The following STOX2 variants were observed in gnomAD, a reference collection of about 807,000 sequenced individuals.
The protein encoded by STOX2 is storkhead box 2.
A neutral mutation model predicts 60.9 loss-of-function variants in STOX2; 28 were observed. The observed-to-expected ratio is 0.46, with a 90% CI of 0.34 to 0.63. STOX2 has a LOEUF of 0.63. Among genes scored for constraint, STOX2 ranks in the 30% least tolerant of loss-of-function variants. The pLI, the probability that STOX2 is intolerant of heterozygous loss-of-function variation, is 0.01. For synonymous variants in STOX2, 472 were observed against 463.9 expected (o/e 1.02, Z -0.22); for missense variants, 1,024 against 1,187.7 (o/e 0.86, Z 2.03).
At chr4:183,901,607 T>C (rs1371706176), upstream of STOX2, among the ~76,000 whole-genome samples, 2 of 151,960 alleles carry the variant, frequency 1.3e-5, no homozygotes, top group African/African-American at 4.8e-5. Flanking sequence ...ATTTTTTTTT[T>C]TTTTTTGATA....
In STOX2 at chr4:184,023,483, T is replaced by C. The variant is rs1300194985; in HGVS notation, c.*6199T>C. The C allele has an allele frequency of 6.6e-6, 1 of 152,228 alleles. No individual in the cohort carries two copies. The highest frequency in any genetic ancestry group is 1.5e-5 in the Non-Finnish European group (1 of 68,038). 9.4% of individuals were successfully genotyped at this position (152,228 alleles called of 1,614,324 possible). A position where few individuals can be genotyped will look rare whatever the true frequency, so the allele number is the denominator to read the frequency against. The stretch of plus-strand genomic sequence containing the variant: ...GTAGTGTTGTGTGAAATATCCATTT[T>C]GGATTGTGTTACTTTTTAAGATATT... On this transcript the variant is annotated 3_prime_UTR_variant, in exon 4 of 4. Coordinates refer to ENST00000308497, the MANE Select transcript of STOX2 (RefSeq NM_020225.3).
chr4:183,895,254 TA>T (rs1273519911), intron 1 of STOX2, among the ~76,000 whole-genome samples: 5 of 152,204 alleles, frequency 3.3e-5, no homozygotes, highest in Non-Finnish European at 7.3e-5. Flanking sequence ...TATATGAACA[TA>T]AGGCATTATT....
Position 184,009,152 on chromosome 4 carries a change from T to TC in STOX2, c.320-6_320-5insC. On this transcript the variant is annotated splice_region_variant and splice_polypyrimidine_tract_variant and intron_variant, in intron 2 of 3. Coordinates refer to ENST00000308497, the MANE Select transcript of STOX2 (RefSeq NM_020225.3). The surrounding 1 kb of genome is among the most constrained non-coding windows in gnomAD (Gnocchi z 4.0). ...TCACAAGTGGTTTTTTTTTTTTTTT[T>TC]TTCAGGTGTTCCAACGCCAAGCCAA... The TC allele has an allele frequency of 6.8e-7, 1 of 1,472,738 alleles. No homozygotes were observed. The highest frequency in any genetic ancestry group is 9.0e-7 in the Non-Finnish European group (1 of 1,106,186). 91.2% of individuals were successfully genotyped at this position (1,472,738 alleles called of 1,614,324 possible).
intron 1 of STOX2, among the ~76,000 whole-genome samples, chr4:183,834,766 T>C (rs774742067): frequency 6.6e-6 from 1 of 152,224 alleles, no homozygotes; most frequent in Non-Finnish European, 1.5e-5. Context: ...ATTCCATTTA[T>C]TCATTCAAGA....
chr4:183,817,283 C>A (rs1739175311), intron 1 of STOX2, among the ~76,000 whole-genome samples: 1 of 152,178 alleles, frequency 6.6e-6, no homozygotes, highest in Non-Finnish European at 1.5e-5. Flanking sequence ...TCAGTCCTTA[C>A]CAACAAGATG....
chr4:183,811,417 C>A (rs977924566), intron 1 of STOX2, among the ~76,000 whole-genome samples: 1 of 152,194 alleles, frequency 6.6e-6, no homozygotes, highest in African/African-American at 2.4e-5. Context: ...TCAGACGTTA[C>A]AAGCACCAGG....
At chr4:183,842,304 A>G (rs1739880959) in intron 1 of STOX2, among the ~76,000 whole-genome samples, 2 of 152,202 alleles carry the variant, frequency 1.3e-5, no homozygotes, top group African/African-American at 2.4e-5. Context: ...GATGCTTTGA[A>G]TGGAGTATAG....
intron 1 of STOX2, among the ~76,000 whole-genome samples, chr4:183,993,623 A>G (rs1027789559): frequency 2.0e-5 from 3 of 152,258 alleles, no homozygotes; most frequent in African/African-American, 7.2e-5. Context: ...AAGTTGTTAT[A>G]GAATCTCTAA....
At chr4:183,939,025 A>G (rs6820845) in intron 1 of STOX2, among the ~76,000 whole-genome samples, 3 of 152,134 alleles carry the variant, frequency 2.0e-5, no homozygotes, top group Non-Finnish European at 2.9e-5. Flanking sequence ...TCCTTGCTAC[A>G]TACGGAATAG....
At chr4:183,890,498 A>AT (rs1741182508) in intron 1 of STOX2, among the ~76,000 whole-genome samples, 1 of 138,796 alleles carries the variant, frequency 7.2e-6, no homozygotes, top group Non-Finnish European at 1.6e-5. Context: ...AAAAAAAAAA[A>AT]ACAGCAACAG....
At chr4:183,903,787 C>T (rs1233469176), upstream of STOX2, among the ~76,000 whole-genome samples, 2 of 152,206 alleles carry the variant, frequency 1.3e-5, no homozygotes, top group Non-Finnish European at 2.9e-5. Context: ...CCAGCGGCCC[C>T]CAACCTTTTT....
At chr4:183,968,594 C>G (rs1203845430) in intron 1 of STOX2, among the ~76,000 whole-genome samples, 2 of 152,356 alleles carry the variant, frequency 1.3e-5, no homozygotes, top group Non-Finnish European at 1.5e-5. Flanking sequence ...CCCAGGACAG[C>G]TTGGGAGACA....
chr4:183,874,184 T>C (rs1430884663), intron 1 of STOX2, among the ~76,000 whole-genome samples: 1 of 152,096 alleles, frequency 6.6e-6, no homozygotes, highest in Non-Finnish European at 1.5e-5. Context: ...GAAAAAAAAA[T>C]GTCACGGATG....
intron 1 of STOX2, among the ~76,000 whole-genome samples, chr4:183,838,304 G>C (rs1272096098): frequency 6.7e-6 from 1 of 149,166 alleles, no homozygotes; most frequent in Non-Finnish European, 1.5e-5. Flanking sequence ...TACATATATT[G>C]AAATACTTAA....
At position 183,999,108 on chromosome 4, in the gene STOX2, A is replaced by G. The variant is rs530667626; in HGVS notation, c.167-2217A>G. Among the ~76,000 whole-genome samples the G allele has an allele frequency of 4.6e-5, 7 of 152,326 alleles. No homozygotes were observed. In the South Asian group the frequency reaches 1.4e-3, roughly 32 times the overall value. On this transcript the variant is annotated intron_variant, in intron 1 of 3. Coordinates refer to ENST00000308497, the MANE Select transcript of STOX2 (RefSeq NM_020225.3). ...AACAAAAAAACCCAGCTTTTTTTGTAGGAAAAAAAAGGATATGACAAATCT... is the reference window on the plus strand; with the variant it reads ...AACAAAAAAACCCAGCTTTTTTTGTGGGAAAAAAAAGGATATGACAAATCT...
intron 1 of STOX2, among the ~76,000 whole-genome samples, chr4:183,840,260 A>G (rs1000805130): frequency 2.2e-4 from 34 of 152,208 alleles, no homozygotes; most frequent in Admixed American, 9.2e-4. Flanking sequence ...AATTTTTGAG[A>G]GTGGATGGAT....
rs201852566 is a variant in STOX2 at position 183,825,361 on chromosome 4, G to A, written c.364+27306G>A. Among the ~76,000 whole-genome samples the A allele has an allele frequency of 3.3e-5, 5 of 152,258 alleles. No homozygotes were observed. In the East Asian group the frequency reaches 7.7e-4, roughly 24 times the overall value. ...CAGTAGGTTGGGAGGAAGGTGGGCC[G>A]GGAGCGGTCAGCCTTCACACAGCTG... On this transcript the variant is annotated intron_variant, in intron 1 of 2. Transcript: ENST00000513034. This position sits in a 1 kb window ranked among gnomAD's most constrained non-coding sequence, Gnocchi z 4.1.
intron 3 of STOX2, among the ~76,000 whole-genome samples, chr4:184,013,319 C>T (rs1734237167): frequency 6.6e-6 from 1 of 152,170 alleles, no homozygotes; most frequent in Admixed American, 6.5e-5. Context: ...TATCTCTAAA[C>T]TTGGGGTGCA....
chr4:183,942,298 A>G (rs1742773101), intron 1 of STOX2, among the ~76,000 whole-genome samples: 1 of 147,804 alleles, frequency 6.8e-6, no homozygotes, highest in Admixed American at 6.7e-5. Flanking sequence ...TATCTTACAC[A>G]TTTGCATTAT....
Sources: allele counts gnomAD v4.1 joint callset (sites outside exome capture counted in the v4.1 genomes callset), GRCh38; gene constraint gnomAD v4.1.1; non-coding constraint Gnocchi (gnomAD v3.1); transcripts MANE v1.5; gene names NCBI Gene and HGNC (gene_info 2026-07-23, HGNC 2026-07-21).